The following CCDC60 variants were observed in gnomAD, a reference collection of about 807,000 sequenced individuals.
The protein encoded by CCDC60 is coiled-coil domain containing 60, also known as coiled-coil domain-containing protein 60.
Under a neutral mutation model 63.5 loss-of-function variants are expected in CCDC60, and 54 were observed. The ratio of observed to expected loss-of-function variants is 0.85; its 90% CI spans 0.68 to 1.07. The LOEUF (loss-of-function observed/expected upper bound fraction) is 1.07. Ranked by LOEUF, CCDC60 falls within the 50% of genes least tolerant of loss-of-function variation. CCDC60 has a pLI of 0.00. For missense variants in CCDC60, 651 were observed against 684.3 expected, an observed-to-expected ratio of 0.95 and a Z score of 0.54; for synonymous variants, 206 against 238.8, an observed-to-expected ratio of 0.86 and a Z score of 1.27.
intron 1 of CCDC60, among the ~76,000 whole-genome samples, chr12:119,403,447 G>A (rs548355752): frequency 1.3e-5 from 2 of 152,080 alleles, no homozygotes; most frequent in African/African-American, 2.4e-5. Context: ...GGAGCATAAC[G>A]TCGAGCTTTA....
At chr12:119,473,802 T>C (rs1482175309) in intron 3 of CCDC60, among the ~76,000 whole-genome samples, 1 of 152,256 alleles carries the variant, frequency 6.6e-6, no homozygotes, top group Non-Finnish European at 1.5e-5. Flanking sequence ...TTTTTATGGC[T>C]GAGCAGTATT....
In CCDC60 at chr12:119,410,112, A is replaced by G. The variant is rs559821079; in HGVS notation, c.91-18571A>G. Among the ~76,000 whole-genome samples the G allele has an allele frequency of 6.6e-5, 10 of 152,210 alleles. No homozygotes were observed. The South Asian group carries it at 1.9e-3, about 28-fold the overall frequency. On this transcript the variant is annotated intron_variant, in intron 1 of 13. Coordinates refer to ENST00000327554, the MANE Select transcript of CCDC60 (RefSeq NM_178499.5). This position sits in a 1 kb window ranked among gnomAD's most constrained non-coding sequence, Gnocchi z 4.0. ...GCTCTCCAAGATACATTGTTATGTC[A>G]GGGGAAATCAGGACACAAACAGTGC...
At chr12:119,485,457 G>A (rs1416243998) in intron 4 of CCDC60, among the ~76,000 whole-genome samples, 1 of 152,248 alleles carries the variant, frequency 6.6e-6, no homozygotes, top group Non-Finnish European at 1.5e-5. Flanking sequence ...TTAAAGAACA[G>A]AAACGTATTT....
At chr12:119,359,292 A>G (rs530571507) in intron 1 of CCDC60, among the ~76,000 whole-genome samples, 3 of 152,238 alleles carry the variant, frequency 2.0e-5, no homozygotes, top group African/African-American at 7.2e-5. Context: ...TTCCGTTGTT[A>G]TACACATCTC....
intron 1 of CCDC60, among the ~76,000 whole-genome samples, chr12:119,424,710 A>G (rs1202398124): frequency 6.6e-6 from 1 of 152,216 alleles, no homozygotes; most frequent in Non-Finnish European, 1.5e-5. Context: ...ATGTTTGTAA[A>G]TGTCCTGAGA....
chr12:119,527,352 C>A (rs1005994092), intron 11 of CCDC60, among the ~76,000 whole-genome samples: 4 of 152,136 alleles, frequency 2.6e-5, no homozygotes, highest in African/African-American at 9.7e-5. Context: ...ATATGTACAA[C>A]AAACCCCCGT....
intron 5 of CCDC60, among the ~76,000 whole-genome samples, chr12:119,493,638 A>C (rs546719869): frequency 2.0e-5 from 3 of 152,316 alleles, no homozygotes; most frequent in Admixed American, 2.0e-4. Context: ...CTAACAAGAG[A>C]GTTTATTTCA....
At chr12:119,531,760 T>A (rs1952848660) in intron 13 of CCDC60, among the ~76,000 whole-genome samples, 1 of 152,108 alleles carries the variant, frequency 6.6e-6, no homozygotes. Flanking sequence ...CCTTTGAAGG[T>A]CAAGATAAAA....
At chr12:119,429,317 G>C (rs1444039955) in intron 2 of CCDC60, among the ~76,000 whole-genome samples, 1 of 152,062 alleles carries the variant, frequency 6.6e-6, no homozygotes, top group Non-Finnish European at 1.5e-5. Context: ...TTTCCTCCCT[G>C]ATGACTGAGG....
chr12:119,386,508 A>G (rs1412905412), intron 1 of CCDC60, among the ~76,000 whole-genome samples: 1 of 152,014 alleles, frequency 6.6e-6, no homozygotes, highest in African/African-American at 2.4e-5. Flanking sequence ...TAAGAAAAAA[A>G]AAAAAAAGCA....
intron 1 of CCDC60, among the ~76,000 whole-genome samples, chr12:119,347,232 C>T (rs1955606693): frequency 6.6e-6 from 1 of 152,018 alleles, no homozygotes; most frequent in Admixed American, 6.6e-5. Flanking sequence ...AATATACTGC[C>T]AAAACCTGCT....
intron 2 of CCDC60, among the ~76,000 whole-genome samples, chr12:119,440,428 G>A (rs1950420380): frequency 1.3e-5 from 2 of 152,250 alleles, no homozygotes; most frequent in South Asian, 4.1e-4. Flanking sequence ...TACTTGGGAG[G>A]CTGAGGCAGG....
intron 5 of CCDC60, among the ~76,000 whole-genome samples, chr12:119,493,760 C>T (rs772423678): frequency 6.6e-6 from 1 of 152,132 alleles, no homozygotes; most frequent in Non-Finnish European, 1.5e-5. Flanking sequence ...AAAGTAGGAT[C>T]TGATTTTTTC....
rs1483584751 is a variant in CCDC60 at position 119,523,753 on chromosome 12, C to T, written c.1164C>T (p.Ala388=). The T allele has an allele frequency of 1.2e-6, 2 of 1,614,186 alleles. No individual in the cohort carries two copies. The highest frequency in any genetic ancestry group is 2.2e-5 in the South Asian group (2 of 91,084). Residue 388 remains alanine, a synonymous_variant, in exon 11 of 14, where the codon GCC becomes GCT. Coordinates refer to ENST00000327554, the MANE Select transcript of CCDC60 (RefSeq NM_178499.5). ...GTGGGGTGTGTAACACCATGAGGGCCAAGTTTTACAGCGTAGCCCAGGAGG... is the reference window on the plus strand; with the variant it reads ...GTGGGGTGTGTAACACCATGAGGGCTAAGTTTTACAGCGTAGCCCAGGAGG... ...YKSGVCNTMR[A]KFYSVAQEAG... is the part of the protein sequence containing the mutation.
chr12:119,497,750 G>GAA (rs5801342), intron 5 of CCDC60, among the ~76,000 whole-genome samples: 4 of 147,226 alleles, frequency 2.7e-5, no homozygotes, highest in African/African-American at 9.9e-5. Flanking sequence ...GCTCCAAAGT[G>GAA]AAAAAAAAAA....
At chr12:119,367,974 C>T (rs1311631954) in intron 1 of CCDC60, among the ~76,000 whole-genome samples, 2 of 150,672 alleles carry the variant, frequency 1.3e-5, no homozygotes, top group African/African-American at 4.9e-5. Context: ...CTGTGAGTCT[C>T]TTAAAAACTT....
chr12:119,398,055 A>G (rs1593027498), intron 1 of CCDC60, among the ~76,000 whole-genome samples: 29 of 25,936 alleles, frequency 1.1e-3, no homozygotes, highest in Non-Finnish European at 1.3e-3. Flanking sequence ...GGGGGGGAGG[A>G]AGGGGGTGGG....
chr12:119,502,197 C>G (rs1044342214), intron 6 of CCDC60, among the ~76,000 whole-genome samples: 3 of 152,156 alleles, frequency 2.0e-5, no homozygotes, highest in African/African-American at 7.2e-5. Flanking sequence ...GCAGCTTTAG[C>G]TCATTTTGCC....
chr12:119,468,924 T>G (rs542783581), intron 2 of CCDC60, among the ~76,000 whole-genome samples: 139 of 151,688 alleles, frequency 9.2e-4, no homozygotes, highest in Middle Eastern at 3.4e-3. Flanking sequence ...AAATTAAAAT[T>G]TTTTTAAAAA....
Sources: allele counts gnomAD v4.1 joint callset (sites outside exome capture counted in the v4.1 genomes callset), GRCh38; gene constraint gnomAD v4.1.1; non-coding constraint Gnocchi (gnomAD v3.1); transcripts MANE v1.5; gene names NCBI Gene and HGNC (gene_info 2026-07-23, HGNC 2026-07-21).